The following MVB12B variants were observed in gnomAD, a reference collection of about 807,000 sequenced individuals.
MVB12B encodes the protein ESCRT-I complex subunit MVB12B.
In MVB12B, 16 loss-of-function variants were observed where a neutral mutation model predicts 41.6. That is an observed-to-expected ratio of 0.38 (90% CI 0.26 to 0.58). The LOEUF (loss-of-function observed/expected upper bound fraction) is 0.58. Ranked by LOEUF, MVB12B falls within the 20% of genes least tolerant of loss-of-function variation. The pLI is 0.62. For missense variants in MVB12B, 274 were observed against 380.2 expected (o/e 0.72, Z 2.32); for synonymous variants, 133 against 139.7 (o/e 0.95, Z 0.34).
At chr9:126,346,624 A>G (rs1588091612) in intron 2 of MVB12B, among the ~76,000 whole-genome samples, 1 of 152,134 alleles carries the variant, frequency 6.6e-6, no homozygotes, top group Non-Finnish European at 1.5e-5. Flanking sequence ...GACTGCGGGC[A>G]TAAGTGGGCT....
At chr9:126,372,556 G>A (rs1192442805) in intron 2 of MVB12B, among the ~76,000 whole-genome samples, 1 of 152,156 alleles carries the variant, frequency 6.6e-6, no homozygotes, top group East Asian at 1.9e-4. Flanking sequence ...CCTTTTAATT[G>A]TCCTGTCCTT....
At chr9:126,422,642 A>C (rs908212982) in intron 7 of MVB12B, among the ~76,000 whole-genome samples, 17 of 152,180 alleles carry the variant, frequency 1.1e-4, no homozygotes, top group Non-Finnish European at 2.2e-4. Context: ...GTATAAGGGG[A>C]AAGTGGCAAA....
intron 9 of MVB12B, among the ~76,000 whole-genome samples, chr9:126,491,177 G>A (rs943076359): frequency 2.6e-5 from 4 of 152,240 alleles, no homozygotes; most frequent in African/African-American, 9.6e-5. Flanking sequence ...TTGGCAGCAT[G>A]AGGTGAAAAG....
intron 9 of MVB12B, among the ~76,000 whole-genome samples, chr9:126,493,375 T>C (rs945926767): frequency 6.6e-6 from 1 of 152,208 alleles, no homozygotes; most frequent in Non-Finnish European, 1.5e-5. Flanking sequence ...TGGATGTTTT[T>C]CTTGATTCCG....
intron 6 of MVB12B, among the ~76,000 whole-genome samples, chr9:126,408,753 T>C (rs989654563): frequency 1.7e-4 from 26 of 152,128 alleles, no homozygotes; most frequent in African/African-American, 6.3e-4. Context: ...TGTGTTGTTT[T>C]TGGTCACGTA....
intron 6 of MVB12B, among the ~76,000 whole-genome samples, chr9:126,412,865 T>A (rs1272642519): frequency 6.6e-6 from 1 of 152,252 alleles, no homozygotes; most frequent in African/African-American, 2.4e-5. Context: ...TTTTTGGTTT[T>A]GTTTTACTTA....
chr9:126,335,477 G>T, intron 1 of MVB12B: 1 of 1,126,518 alleles, frequency 8.9e-7, no homozygotes, highest in African/African-American at 1.6e-5. Context: ...GTGAGGCCTG[G>T]CCACAGGTTC....
intron 7 of MVB12B, among the ~76,000 whole-genome samples, chr9:126,423,251 C>T (rs1305849093): frequency 6.6e-6 from 1 of 152,196 alleles, no homozygotes; most frequent in African/African-American, 2.4e-5. Flanking sequence ...GCTCACAAAT[C>T]TTTTTCCAGC....
chr9:126,365,233 T>C (rs1254287770), intron 2 of MVB12B, among the ~76,000 whole-genome samples: 1 of 147,552 alleles, frequency 6.8e-6, no homozygotes, highest in Non-Finnish European at 1.5e-5. Context: ...TTTTTTTTTT[T>C]TTTTTGTATT....
chr9:126,327,144 C>A, intron 1 of MVB12B, 134 bp downstream of exon 1: 1 of 588,350 alleles, frequency 1.7e-6, no homozygotes, highest in African/African-American at 2.0e-5. Context: ...GGCCTGCGGG[C>A]TCCGTGCCCG....
rs1208217507 is a variant in MVB12B at position 126,340,464 on chromosome 9, G to A, written c.82-44G>A. On this transcript the variant is annotated intron_variant, in intron 1 of 9. Coordinates refer to ENST00000361171, the MANE Select transcript of MVB12B (RefSeq NM_033446.3). This position sits in a 1 kb window ranked among gnomAD's most constrained non-coding sequence, Gnocchi z 4.0. ...GAGACTTTATATTATTCACATAAAT[G>A]CTATGTTTGAATTTTGTGTTTTCTT... The A allele has an allele frequency of 6.2e-7, 1 of 1,608,308 alleles. No homozygotes were observed. The highest frequency in any genetic ancestry group is 8.5e-7 in the Non-Finnish European group (1 of 1,176,414).
At chr9:126,398,313 T>C (rs1831175783) in intron 6 of MVB12B, among the ~76,000 whole-genome samples, 1 of 151,916 alleles carries the variant, frequency 6.6e-6, no homozygotes, top group African/African-American at 2.4e-5. Flanking sequence ...AGTTTCACCA[T>C]AAATGCGTCC....
At chr9:126,368,542 CAT>C (rs1159997320) in intron 2 of MVB12B, among the ~76,000 whole-genome samples, 1 of 152,140 alleles carries the variant, frequency 6.6e-6, no homozygotes, top group African/African-American at 2.4e-5. Context: ...AAAAAAATCA[CAT>C]GACATTTAAA....
At chr9:126,365,487 C>T (rs1040593092) in intron 2 of MVB12B, among the ~76,000 whole-genome samples, 3 of 151,954 alleles carry the variant, frequency 2.0e-5, no homozygotes, top group African/African-American at 7.3e-5. Flanking sequence ...CATCCACCAT[C>T]GTGCCCAGAT....
chr9:126,497,483 G>A (rs542754019), intron 9 of MVB12B, among the ~76,000 whole-genome samples: 10 of 152,210 alleles, frequency 6.6e-5, no homozygotes, highest in South Asian at 2.1e-4. Context: ...ATGGGACCTC[G>A]GCTCACTCCC....
chr9:126,428,863 G>T, intron 7 of MVB12B, among the ~76,000 whole-genome samples: 1 of 152,130 alleles, frequency 6.6e-6, no homozygotes, highest in East Asian at 1.9e-4. Flanking sequence ...GCTTTCACAG[G>T]GGTCCCTGTG....
intron 2 of MVB12B, among the ~76,000 whole-genome samples, chr9:126,355,952 C>T (rs927942392): frequency 6.6e-6 from 1 of 152,152 alleles, no homozygotes; most frequent in Non-Finnish European, 1.5e-5. Flanking sequence ...ATTCTCCCTT[C>T]GCTGCCTTCC....
At chr9:126,496,745 TGTGGGGCTCAGGGCTCTGCATCAGG>T (rs1316682225) in intron 9 of MVB12B, among the ~76,000 whole-genome samples, 4 of 151,950 alleles carry the variant, frequency 2.6e-5, no homozygotes, top group East Asian at 3.9e-4. Context: ...CTCCCCAGGA[TGTGGGGCTCAGGGCTCTGCATCAGG>T]GTGGGGAGCT....
chr9:126,360,947 G>T (rs1190687696), intron 2 of MVB12B, among the ~76,000 whole-genome samples: 1 of 152,002 alleles, frequency 6.6e-6, no homozygotes, highest in East Asian at 1.9e-4. Flanking sequence ...CCATCCTTTT[G>T]CTTTGAACCT....
Sources: allele counts gnomAD v4.1 joint callset (sites outside exome capture counted in the v4.1 genomes callset), GRCh38; gene constraint gnomAD v4.1.1; non-coding constraint Gnocchi (gnomAD v3.1); transcripts MANE v1.5; gene names NCBI Gene and HGNC (gene_info 2026-07-23, HGNC 2026-07-21).